The following VPS41 variants were observed in gnomAD, a reference collection of about 807,000 sequenced individuals.
VPS41 encodes VPS41 subunit of HOPS complex.
VPS41 carries 85 observed loss-of-function variants against 130.9 expected under a neutral mutation model. The ratio of observed to expected loss-of-function variants is 0.65; its 90% confidence interval spans 0.55 to 0.78. The LOEUF (loss-of-function observed/expected upper bound fraction) is 0.78. VPS41 is among the 30% of genes least tolerant of loss of function. The pLI, the probability that VPS41 is intolerant of heterozygous loss-of-function variation, is 0.00. For synonymous variants in VPS41, 335 were observed against 332.9 expected (o/e 1.01, Z -0.07); for missense variants, 874 against 1,018.7 (o/e 0.86, Z 1.93).
chr7:38,723,072 C>T lies in VPS41; in HGVS notation c.*3174G>A, dbSNP rs1034427231. 6 of 152,212 alleles carry T rather than the reference C, an allele frequency of 3.9e-5. No homozygotes were observed. Among genetic ancestry groups the T allele is most frequent in the East Asian group, 1.9e-4 (1 of 5,174 alleles). 9.4% of individuals were successfully genotyped at this position (152,212 alleles called of 1,614,324 possible). A position where few individuals can be genotyped will look rare whatever the true frequency, so the allele number is the denominator to read the frequency against. On this transcript the variant is annotated 3_prime_UTR_variant, in exon 29 of 29. Coordinates refer to ENST00000310301, the MANE Select transcript of VPS41 (RefSeq NM_014396.4). ...TCATAAGGAAAAGAAAATATATTTA[C>T]TACTCATTAAGTAGAAGTGGATCAT...
At chr7:38,773,741 C>T (rs1005831416) in intron 12 of VPS41, among the ~76,000 whole-genome samples, 3 of 152,158 alleles carry the variant, frequency 2.0e-5, no homozygotes, top group African/African-American at 7.2e-5. Context: ...ACTTCTCTGC[C>T]ACCCCAGAGC....
At chr7:38,817,176 G>GA (rs969302217) in intron 7 of VPS41, among the ~76,000 whole-genome samples, 258 of 150,042 alleles carry the variant, frequency 1.7e-3, no homozygotes, top group African/African-American at 5.4e-3. Context: ...AAAAAAATCG[G>GA]AAAAAAAAAA....
At chr7:38,836,926 C>G (rs1785507921) in intron 4 of VPS41, among the ~76,000 whole-genome samples, 1 of 152,106 alleles carries the variant, frequency 6.6e-6, no homozygotes, top group Non-Finnish European at 1.5e-5. Flanking sequence ...TATACATTAT[C>G]TATTATGACC....
At position 38,801,375 on chromosome 7, in the gene VPS41, C is replaced by G; in HGVS notation, c.451-4511G>C. 1.3e-5 allele frequency among the ~76,000 whole-genome samples: 2 copies of G among 152,194 alleles called. 1 individual carries two copies. Among genetic ancestry groups the G allele is most frequent in the East Asian group, 3.8e-4 (2 of 5,204 alleles). Reference sequence around the variant, plus strand: ...CCTCTGTAAATGAAACAAATTTTAACTAATTAATATTACAAGTTTTGACAG... The same window carrying G: ...CCTCTGTAAATGAAACAAATTTTAAGTAATTAATATTACAAGTTTTGACAG... On this transcript the variant is annotated intron_variant, in intron 7 of 28. Coordinates refer to ENST00000310301, the MANE Select transcript of VPS41 (RefSeq NM_014396.4).
intron 4 of VPS41, among the ~76,000 whole-genome samples, chr7:38,856,246 A>C (rs1785982428): frequency 6.6e-6 from 1 of 151,840 alleles, no homozygotes; most frequent in Admixed American, 6.6e-5. Flanking sequence ...GCAGCCTAGA[A>C]CTCCTGGGCT....
At position 38,795,621 on chromosome 7, in the gene VPS41, A is replaced by AGC; in HGVS notation, c.571-11_571-10insGC. 1 of 1,609,548 alleles carries AGC rather than the reference A, an allele frequency of 6.2e-7. No homozygotes were observed. Among genetic ancestry groups the AGC allele is most frequent in the Non-Finnish European group, 8.5e-7 (1 of 1,177,568 alleles). On this transcript the variant is annotated splice_polypyrimidine_tract_variant and intron_variant, in intron 8 of 28. Transcript: ENST00000310301. ...CAAAAATCTTCACACCCTGGAAAAT[A>AGC]ATACAGCAGTAAGCATCCTCTACTC...
intron 2 of VPS41, among the ~76,000 whole-genome samples, chr7:38,888,556 G>C (rs1196884504): frequency 6.6e-6 from 1 of 152,138 alleles, no homozygotes; most frequent in Non-Finnish European, 1.5e-5. Context: ...AAGAGACTTA[G>C]ACTCCCACAC....
chr7:38,759,034 T>C (rs1024497598), intron 17 of VPS41, among the ~76,000 whole-genome samples: 11 of 152,216 alleles, frequency 7.2e-5, no homozygotes. Context: ...AACCAGTAAA[T>C]GTAAGTAAAG....
At chr7:38,879,474 T>G (rs753034613) in intron 2 of VPS41, among the ~76,000 whole-genome samples, 2 of 152,062 alleles carry the variant, frequency 1.3e-5, no homozygotes, top group Non-Finnish European at 2.9e-5. Context: ...CTGAATCGTA[T>G]TTTTGGAGGA....
intron 25 of VPS41, chr7:38,741,212 T>C (rs752982029): frequency 5.1e-5 from 12 of 234,364 alleles, no homozygotes; most frequent in Non-Finnish European, 8.2e-5. Context: ...AAAAATTGTT[T>C]CTAGGAAAGT....
intron 2 of VPS41, among the ~76,000 whole-genome samples, chr7:38,884,138 C>T (rs1278849584): frequency 1.3e-5 from 2 of 152,118 alleles, no homozygotes; most frequent in Non-Finnish European, 2.9e-5. Context: ...TAATGTTCTA[C>T]CCACCAAGTG....
intron 7 of VPS41, among the ~76,000 whole-genome samples, chr7:38,804,445 G>A (rs1008739000): frequency 2.0e-5 from 3 of 152,076 alleles, no homozygotes; most frequent in Non-Finnish European, 2.9e-5. Flanking sequence ...TTGGTTTTCC[G>A]TTCCTGCATT....
chr7:38,755,465 A>C (rs1469853798), intron 19 of VPS41, among the ~76,000 whole-genome samples: 1 of 152,208 alleles, frequency 6.6e-6, no homozygotes, highest in Non-Finnish European at 1.5e-5. Context: ...TTGGACTTTC[A>C]GAATTTACTT....
chr7:38,854,934 G>T (rs942380997), intron 4 of VPS41, among the ~76,000 whole-genome samples: 1 of 151,760 alleles, frequency 6.6e-6, no homozygotes, highest in Non-Finnish European at 1.5e-5. Flanking sequence ...AAGTGGGCCA[G>T]GCGTGGTGGC....
intron 7 of VPS41, among the ~76,000 whole-genome samples, chr7:38,802,543 C>T (rs1357707106): frequency 6.6e-6 from 1 of 152,072 alleles, no homozygotes; most frequent in Non-Finnish European, 1.5e-5. Context: ...CCAAATGATC[C>T]ACTCTCCATT....
At chr7:38,820,632 C>T (rs183887994) in intron 6 of VPS41, among the ~76,000 whole-genome samples, 1 of 152,170 alleles carries the variant, frequency 6.6e-6, no homozygotes, top group Non-Finnish European at 1.5e-5. Context: ...GAATGTAAAG[C>T]CAGCCCAATC....
At chr7:38,780,166 GTGTTTTTTTTTTTGGTTTT>G in intron 10 of VPS41, among the ~76,000 whole-genome samples, 1 of 144,300 alleles carries the variant, frequency 6.9e-6, no homozygotes, top group South Asian at 2.3e-4. Context: ...GCTGGACAGG[GTGTTTTTTTTTTTGGTTTT>G]TGTTTTTTTT....
chr7:38,818,225 G>A (rs1381434661), intron 6 of VPS41, among the ~76,000 whole-genome samples: 3 of 144,270 alleles, frequency 2.1e-5, no homozygotes, highest in Non-Finnish European at 4.5e-5. Context: ...GTTTCTAACT[G>A]GATACAATTT....
chr7:38,807,683 G>A (rs1432268133), intron 7 of VPS41, among the ~76,000 whole-genome samples: 2 of 152,172 alleles, frequency 1.3e-5, no homozygotes, highest in Admixed American at 1.3e-4. Flanking sequence ...AAATACTCCT[G>A]TGAAATGACT....
Sources: gnomAD v4.1 joint callset for allele counts (sites outside exome capture counted in the v4.1 genomes callset) on GRCh38, gnomAD v4.1.1 for gene constraint, MANE v1.5 for transcripts, NCBI Gene and HGNC (gene_info 2026-07-23, HGNC 2026-07-21) for gene names.